Variants in IPMK observed in about 807,000 individuals in gnomAD.
IPMK encodes the protein inositol 1,3,4,6-tetrakisphosphate 5-kinase.
Under a neutral mutation model 45.8 loss-of-function variants are expected in IPMK, and 17 were observed. That is an observed-to-expected ratio of 0.37 (90% CI 0.25 to 0.56). The LOEUF (loss-of-function observed/expected upper bound fraction) is 0.56. Ranked by LOEUF, IPMK falls within the 20% of genes least tolerant of loss-of-function variation. IPMK has a pLI of 0.79. For missense variants in IPMK, 399 were observed against 498.0 expected, an observed-to-expected ratio of 0.80 and a Z score of 1.89; for synonymous variants, 180 against 184.3, an observed-to-expected ratio of 0.98 and a Z score of 0.19.
At chr10:58,251,899 A>AGCAT (rs1442030048) in intron 1 of IPMK, among the ~76,000 whole-genome samples, 2 of 152,242 alleles carry the variant, frequency 1.3e-5, no homozygotes, top group African/African-American at 4.8e-5. Flanking sequence ...TCTTGCAGAC[A>AGCAT]GCATATAGTT....
At chr10:58,263,553 T>C (rs1839105777) in intron 1 of IPMK, among the ~76,000 whole-genome samples, 1 of 149,802 alleles carries the variant, frequency 6.7e-6, no homozygotes, top group African/African-American at 2.5e-5. Context: ...GGCCTAGTGG[T>C]GTGCACCTAT....
intron 5 of IPMK, 103 bp downstream of exon 5, chr10:58,199,137 T>A (rs1837959881): frequency 1.6e-6 from 1 of 644,328 alleles, no homozygotes; most frequent in East Asian, 3.0e-5. Context: ...AAAAAATGTT[T>A]ATTATGAATC....
At chr10:58,237,180 C>G (rs1388778780) in intron 2 of IPMK, among the ~76,000 whole-genome samples, 1 of 152,208 alleles carries the variant, frequency 6.6e-6, no homozygotes, top group Non-Finnish European at 1.5e-5. Flanking sequence ...TCAATGAGAT[C>G]CCTTGCCCTC....
At chr10:58,210,640 C>G (rs566619679) in intron 4 of IPMK, among the ~76,000 whole-genome samples, 10 of 152,172 alleles carry the variant, frequency 6.6e-5, no homozygotes, top group Non-Finnish European at 8.8e-5. Context: ...GAGGCTGTTC[C>G]TGCTGTTGCT....
chr10:58,250,835 C>G (rs1838870597), intron 1 of IPMK, among the ~76,000 whole-genome samples: 1 of 152,056 alleles, frequency 6.6e-6, no homozygotes, highest in African/African-American at 2.4e-5. Context: ...CTTTATTGTT[C>G]TGAAGTATGT....
intron 1 of IPMK, among the ~76,000 whole-genome samples, chr10:58,240,591 A>G (rs1038913539): frequency 2.6e-5 from 4 of 151,784 alleles, no homozygotes; most frequent in Non-Finnish European, 5.9e-5. Flanking sequence ...ATAACTTTTC[A>G]CGAAACCATC....
At chr10:58,203,348 G>A (rs139915636) in intron 4 of IPMK, among the ~76,000 whole-genome samples, 25 of 152,326 alleles carry the variant, frequency 1.6e-4, no homozygotes, top group Non-Finnish European at 3.1e-4. Flanking sequence ...ATAGGGTCTC[G>A]CTCTGTCACC....
At chr10:58,233,206 G>GT (rs1838552603) in intron 2 of IPMK, among the ~76,000 whole-genome samples, 1 of 152,100 alleles carries the variant, frequency 6.6e-6, no homozygotes, top group African/African-American at 2.4e-5. Context: ...AAAAGTCCAG[G>GT]ACCAGATGGA....
chr10:58,249,155 G>A (rs1370470483), intron 1 of IPMK, among the ~76,000 whole-genome samples: 2 of 152,200 alleles, frequency 1.3e-5, no homozygotes, highest in East Asian at 3.9e-4. Flanking sequence ...CAACTGTGTA[G>A]TAGTGTTCTC....
intron 1 of IPMK, among the ~76,000 whole-genome samples, chr10:58,255,495 G>A (rs1463199364): frequency 6.6e-6 from 1 of 152,066 alleles, no homozygotes; most frequent in Non-Finnish European, 1.5e-5. Flanking sequence ...TGGATACAGG[G>A]GATTTCTCTG....
At chr10:58,253,734 C>CAAAAAAAAAAAAAA (rs1183304261) in intron 1 of IPMK, among the ~76,000 whole-genome samples, 1 of 49,884 alleles carries the variant, frequency 2.0e-5, no homozygotes, top group African/African-American at 9.6e-5. Flanking sequence ...ACTCCATCTC[C>CAAAAAAAAAAAAAA]AAAAAAAAAA....
intron 4 of IPMK, among the ~76,000 whole-genome samples, chr10:58,210,597 C>T (rs1838143596): frequency 6.6e-6 from 1 of 152,172 alleles, no homozygotes; most frequent in South Asian, 2.1e-4. Context: ...GGATTACTTC[C>T]CTGGGCTTGC....
At chr10:58,263,478 C>T (rs1468833667) in intron 1 of IPMK, among the ~76,000 whole-genome samples, 5 of 151,470 alleles carry the variant, frequency 3.3e-5, no homozygotes, top group African/African-American at 9.7e-5. Flanking sequence ...GAGTCAAGAC[C>T]GCGCCACTGT....
At chr10:58,203,267 G>A (rs1188385124) in intron 4 of IPMK, among the ~76,000 whole-genome samples, 1 of 152,208 alleles carries the variant, frequency 6.6e-6, no homozygotes, top group Non-Finnish European at 1.5e-5. Flanking sequence ...CTGAATTGCT[G>A]CAATCTCATG....
At chr10:58,264,456 C>T (rs1839119110) in intron 1 of IPMK, among the ~76,000 whole-genome samples, 1 of 152,210 alleles carries the variant, frequency 6.6e-6, no homozygotes, top group Non-Finnish European at 1.5e-5. Context: ...CTACATCCTA[C>T]ATCAGATCAA....
intron 1 of IPMK, among the ~76,000 whole-genome samples, chr10:58,254,531 T>G (rs942483267): frequency 6.6e-6 from 1 of 152,232 alleles, no homozygotes; most frequent in Non-Finnish European, 1.5e-5. Flanking sequence ...AAAAATCTTG[T>G]AGATCTTCAA....
At position 58,229,546 on chromosome 10, in the gene IPMK, G is replaced by A. The variant is rs536456416; in HGVS notation, c.277-2407C>T. On this transcript the variant is annotated intron_variant, in intron 2 of 5. Coordinates refer to ENST00000373935, the MANE Select transcript of IPMK (RefSeq NM_152230.5). Reference sequence around the variant, plus strand: ...CCACTGCACTCCAGCCTGGGCAACAGAGCGAGACCACGTCTCAAAAAAAAA... The same window carrying A: ...CCACTGCACTCCAGCCTGGGCAACAAAGCGAGACCACGTCTCAAAAAAAAA... Among the ~76,000 whole-genome samples the A allele has an allele frequency of 3.3e-5, 4 of 122,326 alleles. No individual in the cohort carries two copies. In the East Asian group the frequency reaches 9.9e-4, roughly 30 times the overall value. 80.3% of individuals were successfully genotyped at this position (122,326 alleles called of 152,430 possible). A position where few individuals can be genotyped will look rare whatever the true frequency, so the allele number is the denominator to read the frequency against.
intron 4 of IPMK, among the ~76,000 whole-genome samples, chr10:58,206,009 T>C (rs1838064800): frequency 6.6e-6 from 1 of 152,172 alleles, no homozygotes; most frequent in Non-Finnish European, 1.5e-5. Context: ...TATACAAATG[T>C]TCATAACAGT....
Position 58,203,217 on chromosome 10 carries a change from G to A in IPMK, c.547-3896C>T, listed in dbSNP as rs117780630. ...GGTAACTGCAGATGTGGTAGAAAGAGCAAGTGAACTAGAATTAAGACTGAA... is the reference window on the plus strand; with the variant it reads ...GGTAACTGCAGATGTGGTAGAAAGAACAAGTGAACTAGAATTAAGACTGAA... On this transcript the variant is annotated intron_variant, in intron 4 of 5. Transcript: ENST00000373935. Among the ~76,000 whole-genome samples the A allele has an allele frequency of 1.6e-4, 25 of 152,354 alleles. 1 individual carries two copies. The East Asian group carries it at 4.1e-3, about 25-fold the overall frequency.
Sources: gnomAD v4.1 joint callset for allele counts (sites outside exome capture counted in the v4.1 genomes callset) on GRCh38, gnomAD v4.1.1 for gene constraint, MANE v1.5 for transcripts, NCBI Gene and HGNC (gene_info 2026-07-23, HGNC 2026-07-21) for gene names.